Variants in TRHDE observed in about 807,000 individuals in gnomAD.
The protein encoded by TRHDE is thyrotropin releasing hormone degrading enzyme, also known as thyrotropin-releasing hormone-degrading ectoenzyme.
Under a neutral mutation model 125.7 loss-of-function variants are expected in TRHDE, and 72 were observed. That is an observed-to-expected ratio of 0.57 (90% CI 0.47 to 0.70). The LOEUF (loss-of-function observed/expected upper bound fraction) is 0.70. TRHDE is among the 30% of genes least tolerant of loss of function. The pLI is 0.00. For missense variants in TRHDE, 1,110 were observed against 1,327.1 expected, an observed-to-expected ratio of 0.84 and a Z score of 2.54; for synonymous variants, 509 against 509.1, an observed-to-expected ratio of 1.00 and a Z score of 0.00.
At chr12:72,180,395 C>T (rs755365894) in intron 2 of TRHDE, among the ~76,000 whole-genome samples, 5 of 152,026 alleles carry the variant, frequency 3.3e-5, no homozygotes, top group Admixed American at 6.6e-5. Context: ...TTTGGTAATA[C>T]TATGTCCCTA....
At chr12:72,501,046 C>A (rs1396771792) in intron 6 of TRHDE, among the ~76,000 whole-genome samples, 1 of 151,672 alleles carries the variant, frequency 6.6e-6, no homozygotes, top group African/African-American at 2.4e-5. Context: ...TCCTTTAGGT[C>A]CCCTTTATTT....
At chr12:72,518,616 C>A (rs956693082) in intron 6 of TRHDE, among the ~76,000 whole-genome samples, 6 of 152,006 alleles carry the variant, frequency 3.9e-5, no homozygotes, top group African/African-American at 1.5e-4. Flanking sequence ...CAGTCTGTGT[C>A]TTTTAATTGG....
intron 2 of TRHDE, among the ~76,000 whole-genome samples, chr12:72,211,419 A>G (rs921542414): frequency 1.3e-5 from 2 of 152,204 alleles, no homozygotes; most frequent in Non-Finnish European, 2.9e-5. Flanking sequence ...TTTAAAACCA[A>G]AAAATATTTC....
Position 72,434,213 on chromosome 12 carries a change from T to G in TRHDE, c.1316-35545T>G, listed in dbSNP as rs552398890. 1.8e-4 allele frequency among the ~76,000 whole-genome samples: 27 copies of G among 151,874 alleles called. No homozygotes were observed. The East Asian group carries it at 5.1e-3, about 28-fold the overall frequency. On this transcript the variant is annotated intron_variant, in intron 3 of 18. Transcript: ENST00000261180. ...CAGCCTGGCCAACATAGTGAAACCCTGTCTCTACTAAAAATACAAAAATTA... is the reference window on the plus strand; with the variant it reads ...CAGCCTGGCCAACATAGTGAAACCCGGTCTCTACTAAAAATACAAAAATTA...
upstream of TRHDE, chr12:72,271,921 C>T (rs1297850861): frequency 2.2e-6 from 1 of 456,582 alleles, no homozygotes; most frequent in Non-Finnish European, 4.4e-6. Flanking sequence ...GGGTCTGCAA[C>T]CTCCTGCCGT....
At chr12:72,176,883 A>T (rs1876999763) in intron 2 of TRHDE, among the ~76,000 whole-genome samples, 2 of 152,244 alleles carry the variant, frequency 1.3e-5, no homozygotes, top group African/African-American at 4.8e-5. Flanking sequence ...CAAGTTGAAT[A>T]ATACCTTACA....
rs377673194 is a variant in TRHDE at position 72,639,376 on chromosome 12, C to G, written c.2676-12946C>G. On this transcript the variant is annotated intron_variant, in intron 15 of 18. Coordinates refer to ENST00000261180, the MANE Select transcript of TRHDE (RefSeq NM_013381.3). ...TCCATCAGCTCCTTTAAGCACTTCTCTGTATTGGTTATTCTAGTTATACAT... is the reference window on the plus strand; with the variant it reads ...TCCATCAGCTCCTTTAAGCACTTCTGTGTATTGGTTATTCTAGTTATACAT... Among the ~76,000 whole-genome samples the G allele has an allele frequency of 6.1e-3, 920 of 151,548 alleles. 6 individuals carry two copies. Among genetic ancestry groups the G allele is most frequent in the African/African-American group, 0.02 (815 of 41,442 alleles).
intron 2 of TRHDE, among the ~76,000 whole-genome samples, chr12:72,230,333 A>T (rs537214852): frequency 2.5e-4 from 38 of 152,314 alleles, no homozygotes; most frequent in Non-Finnish European, 4.6e-4. Flanking sequence ...TATGATAAAG[A>T]AAGCAGCTGT....
intron 6 of TRHDE, among the ~76,000 whole-genome samples, chr12:72,522,138 G>A (rs912869911): frequency 6.6e-6 from 1 of 152,130 alleles, no homozygotes; most frequent in Non-Finnish European, 1.5e-5. Context: ...AACTTGCCCA[G>A]CATTGCAGTT....
chr12:72,199,464 C>T (rs1877511457), intron 2 of TRHDE, among the ~76,000 whole-genome samples: 1 of 152,062 alleles, frequency 6.6e-6, no homozygotes, highest in South Asian at 2.1e-4. Context: ...GGTGAAACTA[C>T]CTGGAAACTA....
At chr12:72,413,672 T>C (rs1873609928) in intron 3 of TRHDE, among the ~76,000 whole-genome samples, 1 of 151,972 alleles carries the variant, frequency 6.6e-6, no homozygotes, top group Non-Finnish European at 1.5e-5. Context: ...CAAAAACTAA[T>C]CTATTATAAT....
At chr12:72,420,443 T>A (rs1400845758) in intron 3 of TRHDE, among the ~76,000 whole-genome samples, 1 of 152,160 alleles carries the variant, frequency 6.6e-6, no homozygotes, top group African/African-American at 2.4e-5. Context: ...ATAAAGGACT[T>A]AGGACCTTTC....
chr12:72,512,459 A>AC, intron 6 of TRHDE, among the ~76,000 whole-genome samples: 1 of 138,050 alleles, frequency 7.2e-6, no homozygotes, highest in East Asian at 2.0e-4. Context: ...TATAATTATA[A>AC]TATATTATAT....
At chr12:72,150,383 A>G (rs1876330657) in intron 2 of TRHDE, among the ~76,000 whole-genome samples, 1 of 151,638 alleles carries the variant, frequency 6.6e-6, no homozygotes, top group Admixed American at 6.6e-5. Flanking sequence ...GAACAAAAGT[A>G]TGGGTAGTGA....
chr12:72,332,699 C>T (rs978219199), intron 2 of TRHDE, among the ~76,000 whole-genome samples: 2 of 152,182 alleles, frequency 1.3e-5, no homozygotes, highest in African/African-American at 4.8e-5. Flanking sequence ...ATACTAGGTA[C>T]TGAGTCTACT....
rs192472300 is a variant in TRHDE, at chr12:72,191,061, A to C, written n.279+85309A>C. ...TTTTACCTCTCCTATAGTATTCTAT[A>C]CAACATTGAGCCAGAATAAATAACT... On this transcript the variant is annotated intron_variant and non_coding_transcript_variant, in intron 2 of 4. Transcript: ENST00000548156. Among the ~76,000 whole-genome samples the C allele has an allele frequency of 1.5e-3, 232 of 152,332 alleles. 1 individual carries two copies. Among genetic ancestry groups the C allele is most frequent in the Middle Eastern group, 3.4e-3 (1 of 294 alleles).
At chr12:72,356,283 A>G (rs1316205896) in intron 2 of TRHDE, among the ~76,000 whole-genome samples, 2 of 151,764 alleles carry the variant, frequency 1.3e-5, no homozygotes, top group African/African-American at 2.4e-5. Context: ...AAACTAATGC[A>G]GGAACACAAA....
At chr12:72,636,800 T>C (rs1030003851) in intron 15 of TRHDE, among the ~76,000 whole-genome samples, 3 of 152,228 alleles carry the variant, frequency 2.0e-5, no homozygotes, top group Non-Finnish European at 4.4e-5. Context: ...ATATGCTGGA[T>C]TACATTTATT....
chr12:72,471,158 G>T (rs571866706), intron 4 of TRHDE, among the ~76,000 whole-genome samples: 1 of 152,092 alleles, frequency 6.6e-6, no homozygotes, highest in East Asian at 1.9e-4. Flanking sequence ...GATTACAGGC[G>T]TGAGCCACCG....
Sources: gnomAD v4.1 joint callset for allele counts (sites outside exome capture counted in the v4.1 genomes callset) on GRCh38, gnomAD v4.1.1 for gene constraint, MANE v1.5 for transcripts, NCBI Gene and HGNC (gene_info 2026-07-23, HGNC 2026-07-21) for gene names.